ALKBH3: variants seen among roughly 807,000 people sequenced by gnomAD.
ALKBH3 encodes the protein alkB homolog 3, alpha-ketoglutarate dependent dioxygenase.
In ALKBH3, 51 loss-of-function variants were observed where a neutral mutation model predicts 43.9. The ratio of observed to expected loss-of-function variants is 1.16; its 90% CI spans 0.93 to 1.47. ALKBH3 has a LOEUF of 1.47. Ranked by LOEUF, ALKBH3 falls within the 40% of genes most tolerant of loss-of-function variation. The pLI is 0.00. For synonymous variants in ALKBH3, 102 were observed against 115.2 expected (o/e 0.89, Z 0.73); for missense variants, 361 against 351.9 (o/e 1.03, Z -0.21).
chr11:43,910,042 C>G (rs1428373935), intron 8 of ALKBH3: 2 of 152,248 alleles, frequency 1.3e-5, no homozygotes, highest in African/African-American at 2.4e-5. Context: ...TGCATCACCT[C>G]TGTGTGTGAA....
intron 9 of ALKBH3, 196 bp from the exon 10 acceptor site, chr11:43,919,722 T>A (rs1952011815): frequency 1.8e-6 from 1 of 555,162 alleles, no homozygotes; most frequent in Non-Finnish European, 3.2e-6. Flanking sequence ...GGTGCTGGCA[T>A]AGCACAGTGG....
At chr11:43,899,623 T>G (rs1951846547) in intron 7 of ALKBH3, 3 of 503,908 alleles carry the variant, frequency 6.0e-6, no homozygotes, top group Non-Finnish European at 1.1e-5. Flanking sequence ...GACAGCCAGC[T>G]CCACCCTCCC....
At chr11:43,881,616 T>C (rs1951711658) in intron 1 of ALKBH3, among the ~76,000 whole-genome samples, 1 of 152,202 alleles carries the variant, frequency 6.6e-6, no homozygotes, top group Non-Finnish European at 1.5e-5. Context: ...ACCTATTAAA[T>C]GAAATGAATT....
intron 7 of ALKBH3, among the ~76,000 whole-genome samples, chr11:43,900,784 C>T (rs925313445): frequency 3.3e-5 from 5 of 152,108 alleles, no homozygotes; most frequent in African/African-American, 1.2e-4. Flanking sequence ...GGTCAGGGGT[C>T]ATAGCTTCCT....
rs182447026 is a variant in ALKBH3 at position 43,911,309 on chromosome 11, G to A, written c.670-7729G>A. Among the ~76,000 whole-genome samples, 1,095 of 152,274 alleles carry A rather than the reference G, an allele frequency of 7.2e-3. 43 individuals carry two copies. Among genetic ancestry groups the A allele is most frequent in the Admixed American group, 0.053 (815 of 15,296 alleles). The stretch of plus-strand genomic sequence containing the variant: ...TTGCCAGTAATATGTTAGATGTGGG[G>A]GTAAGGATCCAGACTCCCAGGTGTC... On this transcript the variant is annotated intron_variant, in intron 8 of 9. Coordinates refer to ENST00000302708, the MANE Select transcript of ALKBH3 (RefSeq NM_139178.4).
chr11:43,908,103 C>G (rs2135198589), intron 8 of ALKBH3, among the ~76,000 whole-genome samples: 1 of 152,348 alleles, frequency 6.6e-6, no homozygotes, highest in Non-Finnish European at 1.5e-5. Context: ...AAGGAGAATA[C>G]TCTATCACCT....
At chr11:43,914,170 T>C (rs981172642) in intron 8 of ALKBH3, among the ~76,000 whole-genome samples, 4 of 152,222 alleles carry the variant, frequency 2.6e-5, no homozygotes, top group Admixed American at 2.0e-4. Context: ...GAATAGAGCT[T>C]ACCTTGGAGA....
At chr11:43,896,991 G>A (rs1951823586) in intron 7 of ALKBH3, among the ~76,000 whole-genome samples, 1 of 151,702 alleles carries the variant, frequency 6.6e-6, no homozygotes, top group African/African-American at 2.4e-5. Flanking sequence ...AGGCTAGAGT[G>A]AGCACAGTGG....
At chr11:43,884,108 A>G (rs1210638994) in intron 4 of ALKBH3, 91 bp downstream of exon 4, 32 of 1,468,928 alleles carry the variant, frequency 2.2e-5, no homozygotes, top group Non-Finnish European at 2.8e-5. Context: ...TCTGGAAGAG[A>G]ATGGCCCAAT....
intron 5 of ALKBH3, among the ~76,000 whole-genome samples, chr11:43,889,426 G>A (rs35800792): frequency 2.5e-4 from 38 of 152,322 alleles, no homozygotes; most frequent in Non-Finnish European, 4.9e-4. Context: ...AACTTGCCCA[G>A]GGTTTCACAG....
At chr11:43,913,094 A>G (rs1412085603) in intron 8 of ALKBH3, among the ~76,000 whole-genome samples, 1 of 151,020 alleles carries the variant, frequency 6.6e-6, no homozygotes, top group African/African-American at 2.5e-5. Context: ...ACAGTAAATA[A>G]TTTCCAGTTG....
chr11:43,901,420 T>C, intron 7 of ALKBH3, 96 bp from the exon 8 acceptor site: 1 of 1,399,402 alleles, frequency 7.1e-7, no homozygotes, highest in Non-Finnish European at 9.9e-7. Flanking sequence ...GGTTATAACT[T>C]GGCTGATTTT....
intron 8 of ALKBH3, among the ~76,000 whole-genome samples, chr11:43,907,224 T>TGG (rs1554977688): frequency 6.6e-6 from 1 of 152,050 alleles, no homozygotes; most frequent in East Asian, 1.9e-4. Flanking sequence ...TGTGTGTGTG[T>TGG]GTGTGCGTGT....
At chr11:43,914,101 C>A (rs991121874) in intron 8 of ALKBH3, among the ~76,000 whole-genome samples, 3 of 152,040 alleles carry the variant, frequency 2.0e-5, no homozygotes, top group African/African-American at 7.2e-5. Context: ...TGTTTGTGAC[C>A]CCTACAGTAT....
intron 7 of ALKBH3, chr11:43,898,453 T>C: frequency 3.5e-6 from 3 of 851,038 alleles, no homozygotes; most frequent in Non-Finnish European, 5.9e-6. Flanking sequence ...GTGGCCCCTC[T>C]GTATGCTCAG....
chr11:43,905,033 C>T (rs1231371775), intron 8 of ALKBH3, among the ~76,000 whole-genome samples: 1 of 152,124 alleles, frequency 6.6e-6, no homozygotes, highest in African/African-American at 2.4e-5. Flanking sequence ...GCCTATTTGA[C>T]TTGAGTCACA....
At chr11:43,907,828 A>G (rs1951906725) in intron 8 of ALKBH3, among the ~76,000 whole-genome samples, 1 of 152,122 alleles carries the variant, frequency 6.6e-6, no homozygotes, top group East Asian at 1.9e-4. Flanking sequence ...ATTTTGTTTT[A>G]TGTCCATCAG....
chr11:43,908,558 C>T (rs575986539), intron 8 of ALKBH3, among the ~76,000 whole-genome samples: 1 of 152,058 alleles, frequency 6.6e-6, no homozygotes, highest in African/African-American at 2.4e-5. Flanking sequence ...TTTTAAGTTG[C>T]ATTTTTTGGA....
chr11:43,916,676 T>C (rs1245573236), intron 8 of ALKBH3: 1 of 152,244 alleles, frequency 6.6e-6, no homozygotes, highest in Non-Finnish European at 1.5e-5. Context: ...GACCTGTGTT[T>C]CCACTGTTGC....
Sources: gnomAD v4.1 joint callset for allele counts (sites outside exome capture counted in the v4.1 genomes callset) on GRCh38, gnomAD v4.1.1 for gene constraint, MANE v1.5 for transcripts, NCBI Gene and HGNC (gene_info 2026-07-23, HGNC 2026-07-21) for gene names.